Variants in F13A1 observed in about 807,000 individuals in gnomAD.
F13A1 encodes the protein FSF, A subunit.
A neutral mutation model predicts 80.1 loss-of-function variants in F13A1; 47 were observed. The observed-to-expected ratio is 0.59, with a 90% CI of 0.46 to 0.75. The LOEUF (loss-of-function observed/expected upper bound fraction) is 0.75. Ranked by LOEUF, F13A1 falls within the 30% of genes least tolerant of loss-of-function variation. The probability of loss-of-function intolerance (pLI) is 0.00; values close to 1 mark genes in which losing one functional copy is unlikely to be tolerated. For missense variants in F13A1, 817 were observed against 930.4 expected (o/e 0.88, Z 1.59); for synonymous variants, 349 against 344.9 (o/e 1.01, Z -0.13).
At chr6:6,165,418 T>C (rs1290374910) in intron 13 of F13A1, among the ~76,000 whole-genome samples, 1 of 152,148 alleles carries the variant, frequency 6.6e-6, no homozygotes, top group African/African-American at 2.4e-5. Context: ...ATACATCCGG[T>C]TTATTATCAG....
At chr6:6,319,931 G>T (rs1192675336) in intron 1 of F13A1, among the ~76,000 whole-genome samples, 1 of 152,232 alleles carries the variant, frequency 6.6e-6, no homozygotes, top group Non-Finnish European at 1.5e-5. Context: ...GGAGAAGGCT[G>T]CGAGAGCCAT....
At chr6:6,146,108 C>T (rs925579168) in intron 14 of F13A1, among the ~76,000 whole-genome samples, 1 of 152,148 alleles carries the variant, frequency 6.6e-6, no homozygotes, top group Non-Finnish European at 1.5e-5. Context: ...CCATAGTAGC[C>T]TTATCTATGT....
At chr6:6,229,833 G>C (rs1757326547) in intron 6 of F13A1, among the ~76,000 whole-genome samples, 1 of 152,240 alleles carries the variant, frequency 6.6e-6, no homozygotes, top group Non-Finnish European at 1.5e-5. Flanking sequence ...CTCCACTGGA[G>C]AAGCTGAAGG....
At chr6:6,245,673 G>A (rs1757545503) in intron 6 of F13A1, among the ~76,000 whole-genome samples, 1 of 152,028 alleles carries the variant, frequency 6.6e-6, no homozygotes, top group Non-Finnish European at 1.5e-5. Context: ...TTGTCTTTGG[G>A]GCCCCAGTCG....
chr6:6,264,468 C>T (rs1235564982), intron 4 of F13A1, among the ~76,000 whole-genome samples: 2 of 152,152 alleles, frequency 1.3e-5, no homozygotes, highest in Non-Finnish European at 2.9e-5. Flanking sequence ...ACATACTCTT[C>T]CATCTCATTC....
chr6:6,203,964 G>A (rs530410550), intron 8 of F13A1, among the ~76,000 whole-genome samples: 1 of 152,178 alleles, frequency 6.6e-6, no homozygotes, highest in Non-Finnish European at 1.5e-5. Flanking sequence ...ATTTATTTAT[G>A]TATTTATTTT....
intron 6 of F13A1, among the ~76,000 whole-genome samples, chr6:6,242,850 G>A (rs1169425535): frequency 1.3e-5 from 2 of 152,134 alleles, no homozygotes; most frequent in East Asian, 3.9e-4. Flanking sequence ...TTGATCCAAT[G>A]TTTAGTCCTG....
chr6:6,163,054 AC>A (rs1421605445), intron 13 of F13A1, among the ~76,000 whole-genome samples: 12 of 152,180 alleles, frequency 7.9e-5, no homozygotes, highest in African/African-American at 2.9e-4. Flanking sequence ...CATCATAATC[AC>A]CAGGGGCTGG....
chr6:6,290,125 T>A (rs889724562), intron 3 of F13A1, among the ~76,000 whole-genome samples: 3 of 152,094 alleles, frequency 2.0e-5, no homozygotes, highest in Middle Eastern at 3.2e-3. Context: ...ATAAGCACAT[T>A]CAAAAAGAAA....
chr6:6,203,481 C>G (rs1327917047), intron 8 of F13A1, among the ~76,000 whole-genome samples: 1 of 152,178 alleles, frequency 6.6e-6, no homozygotes, highest in Non-Finnish European at 1.5e-5. Flanking sequence ...GTCAGGGATT[C>G]AAAGCAGCAG....
intron 6 of F13A1, among the ~76,000 whole-genome samples, chr6:6,229,115 T>G (rs1781785): frequency 0.46 from 69,922 of 151,996 alleles, 16,340 homozygotes; most frequent in African/African-American, 0.51. Context: ...AACCTTAGAT[T>G]GAGAAGAATT....
intron 1 of F13A1, among the ~76,000 whole-genome samples, chr6:6,319,749 C>T (rs1758744504): frequency 6.6e-6 from 1 of 152,166 alleles, no homozygotes; most frequent in Non-Finnish European, 1.5e-5. Context: ...GCACTAACAA[C>T]ATGCTGGAGA....
intron 6 of F13A1, among the ~76,000 whole-genome samples, chr6:6,238,432 C>T (rs1001706071): frequency 6.6e-6 from 1 of 151,958 alleles, no homozygotes; most frequent in Non-Finnish European, 1.5e-5. Flanking sequence ...GAAATAGTGG[C>T]AAACATGGGC....
chr6:6,229,412 A>G (rs1757320118), intron 6 of F13A1, among the ~76,000 whole-genome samples: 1 of 152,232 alleles, frequency 6.6e-6, no homozygotes, highest in African/African-American at 2.4e-5. Context: ...TATTAAAAAT[A>G]AAAATTAATG....
At position 6,197,299 on chromosome 6, in the gene F13A1, C is replaced by T; in HGVS notation, c.1140G>A (p.Trp380Ter). The T allele has an allele frequency of 6.2e-7, 1 of 1,614,214 alleles. No individual in the cohort carries two copies. The highest frequency in any genetic ancestry group is 1.7e-5 in the Admixed American group (1 of 60,024). The part of the protein sequence containing the change: ...VWNYHCWNEA[W>*]MTRPDLPVGF... ...CAACAGGAAGGTCAGGCCTTGTCAT[C>T]CATGCTTCATTCCAGCAGTGGTAGT... The change falls in exon 9 of 15, where the codon TGG (tryptophan) becomes TGA (stop). Residue 380 changes from tryptophan (W) to a stop codon, truncating the protein, a stop_gained. Transcript: ENST00000264870. LOFTEE classifies it high-confidence loss of function.
chr6:6,187,988 T>A (rs564533849), intron 10 of F13A1, among the ~76,000 whole-genome samples: 1 of 150,224 alleles, frequency 6.7e-6, no homozygotes, highest in African/African-American at 2.4e-5. Flanking sequence ...CCATTTCTTC[T>A]ATATTTTCTA....
intron 8 of F13A1, among the ~76,000 whole-genome samples, chr6:6,215,247 A>G (rs1257560834): frequency 7.6e-6 from 1 of 130,888 alleles, no homozygotes; most frequent in Non-Finnish European, 1.7e-5. Flanking sequence ...TTTTAGACCA[A>G]TATCCTTGAT....
At chr6:6,268,127 T>C (rs559139212) in intron 3 of F13A1, among the ~76,000 whole-genome samples, 5 of 152,346 alleles carry the variant, frequency 3.3e-5, no homozygotes, top group African/African-American at 7.2e-5. Context: ...ACTTCTGACA[T>C]TTTTCATTCA....
chr6:6,185,119 G>C (rs1761055084), intron 10 of F13A1, among the ~76,000 whole-genome samples: 1 of 146,948 alleles, frequency 6.8e-6, no homozygotes, highest in South Asian at 2.2e-4. Flanking sequence ...ATGAGTTACT[G>C]AATCTCTCTC....
Sources: gnomAD v4.1 joint callset for allele counts (sites outside exome capture counted in the v4.1 genomes callset) on GRCh38, gnomAD v4.1.1 for gene constraint, MANE v1.5 for transcripts, NCBI Gene and HGNC (gene_info 2026-07-23, HGNC 2026-07-21) for gene names.